Variants in CTNNA3 observed in about 807,000 individuals in gnomAD.
The protein encoded by CTNNA3 is catenin alpha-3.
CTNNA3 carries 76 observed loss-of-function variants against 95.7 expected under a neutral mutation model. That is an observed-to-expected ratio of 0.79 (90% CI 0.66 to 0.96). The LOEUF (loss-of-function observed/expected upper bound fraction) is 0.96. Ranked by LOEUF, CTNNA3 falls within the 40% of genes least tolerant of loss-of-function variation. CTNNA3 has a pLI of 0.00. For missense variants in CTNNA3, 1,191 were observed against 1,089.8 expected, an observed-to-expected ratio of 1.09 and a Z score of -1.31; for synonymous variants, 431 against 374.4, an observed-to-expected ratio of 1.15 and a Z score of -1.74.
At chr10:66,742,929 C>A (rs1005348815) in intron 9 of CTNNA3, among the ~76,000 whole-genome samples, 1 of 152,150 alleles carries the variant, frequency 6.6e-6, no homozygotes. Flanking sequence ...TATTTTACAT[C>A]ATTTCCTCTG....
chr10:66,487,698 T>G (rs1421592233), intron 11 of CTNNA3, among the ~76,000 whole-genome samples: 1 of 152,148 alleles, frequency 6.6e-6, no homozygotes. Flanking sequence ...ATTTGTCAAT[T>G]AAATATTTAA....
At chr10:66,417,408 A>G (rs1335935615) in intron 11 of CTNNA3, among the ~76,000 whole-genome samples, 3 of 152,086 alleles carry the variant, frequency 2.0e-5, no homozygotes, top group Non-Finnish European at 4.4e-5. Flanking sequence ...CTGAAAAGAA[A>G]GACTCCAATG....
At chr10:67,194,082 C>T (rs1378057022) in intron 6 of CTNNA3, among the ~76,000 whole-genome samples, 2 of 151,910 alleles carry the variant, frequency 1.3e-5, no homozygotes, top group Non-Finnish European at 2.9e-5. Flanking sequence ...TTTTTTAAAA[C>T]TATGTTTGTT....
At chr10:66,594,841 T>C (rs1416850988) in intron 10 of CTNNA3, among the ~76,000 whole-genome samples, 2 of 152,176 alleles carry the variant, frequency 1.3e-5, no homozygotes, top group African/African-American at 4.8e-5. Flanking sequence ...CAAGAATCTT[T>C]TGTACTTCAC....
intron 10 of CTNNA3, among the ~76,000 whole-genome samples, chr10:66,552,903 A>T (rs1019063378): frequency 5.3e-5 from 8 of 152,026 alleles, no homozygotes; most frequent in African/African-American, 1.7e-4. Flanking sequence ...TGTTAAAAAA[A>T]ATTCTGTTCA....
chr10:66,318,418 A>T (rs1341811888), intron 12 of CTNNA3, among the ~76,000 whole-genome samples: 3 of 151,910 alleles, frequency 2.0e-5, no homozygotes, highest in African/African-American at 7.2e-5. Flanking sequence ...TCTTTGAGAC[A>T]AGTGCACCTA....
intron 7 of CTNNA3, among the ~76,000 whole-genome samples, chr10:67,086,094 A>T (rs1857293241): frequency 6.6e-6 from 1 of 152,034 alleles, no homozygotes; most frequent in Non-Finnish European, 1.5e-5. Context: ...GATGGATATG[A>T]TATGGACAGA....
chr10:66,931,101 G>T (rs1847361315), intron 7 of CTNNA3, among the ~76,000 whole-genome samples: 1 of 148,224 alleles, frequency 6.7e-6, no homozygotes, highest in African/African-American at 2.5e-5. Context: ...AGTATTTCAA[G>T]TTCATGCAGA....
chr10:66,089,982 A>G (rs1474871414), intron 14 of CTNNA3, among the ~76,000 whole-genome samples: 3 of 152,026 alleles, frequency 2.0e-5, no homozygotes, highest in South Asian at 2.1e-4. Flanking sequence ...AATTTTAGTA[A>G]CAGTAGTTTC....
chr10:66,933,807 A>G (rs1371693880), intron 7 of CTNNA3, among the ~76,000 whole-genome samples: 5 of 152,324 alleles, frequency 3.3e-5, no homozygotes, highest in African/African-American at 9.6e-5. Context: ...GAATGACAAA[A>G]GGCTTCCTCC....
intron 12 of CTNNA3, among the ~76,000 whole-genome samples, chr10:66,367,316 C>T (rs1426218383): frequency 6.6e-6 from 1 of 151,892 alleles, no homozygotes; most frequent in African/African-American, 2.4e-5. Context: ...TTATTGTGGC[C>T]AAAAGTCAGT....
At chr10:66,116,411 C>G (rs2082342455) in intron 13 of CTNNA3, among the ~76,000 whole-genome samples, 1 of 152,068 alleles carries the variant, frequency 6.6e-6, no homozygotes, top group South Asian at 2.1e-4. Flanking sequence ...AACACATATT[C>G]ACACAGACTT....
At chr10:67,675,835 T>G (rs1174399458) in intron 1 of CTNNA3, among the ~76,000 whole-genome samples, 1 of 152,164 alleles carries the variant, frequency 6.6e-6, no homozygotes, top group Non-Finnish European at 1.5e-5. Flanking sequence ...CTTTTTATTG[T>G]TTTTTCAGTC....
At chr10:66,664,922 A>G (rs888781931) in intron 9 of CTNNA3, among the ~76,000 whole-genome samples, 2 of 149,570 alleles carry the variant, frequency 1.3e-5, no homozygotes, top group African/African-American at 4.9e-5. Flanking sequence ...AGAGATCCAG[A>G]CCTTCCTACA....
intron 7 of CTNNA3, among the ~76,000 whole-genome samples, chr10:67,157,338 T>C (rs1297116851): frequency 1.3e-5 from 2 of 152,094 alleles, no homozygotes; most frequent in East Asian, 3.9e-4. Context: ...TGTGCAAACA[T>C]GTGTAATTAC....
At chr10:67,726,613 T>TA (rs1365974742) in intron 1 of CTNNA3, among the ~76,000 whole-genome samples, 15 of 78,324 alleles carry the variant, frequency 1.9e-4, no homozygotes, top group African/African-American at 6.0e-4. Flanking sequence ...TATTATATAA[T>TA]ATATAATATA....
At chr10:67,019,317 C>T (rs1296679330) in intron 7 of CTNNA3, among the ~76,000 whole-genome samples, 1 of 152,162 alleles carries the variant, frequency 6.6e-6, no homozygotes, top group East Asian at 1.9e-4. Flanking sequence ...CTTCCGGGTC[C>T]AAGCGCTTCT....
At chr10:65,944,101 TA>T (rs1209201356) in intron 17 of CTNNA3, among the ~76,000 whole-genome samples, 1 of 152,228 alleles carries the variant, frequency 6.6e-6, no homozygotes, top group Non-Finnish European at 1.5e-5. Context: ...AGAAAGCCTT[TA>T]AAGTCTGAAA....
chr10:66,750,579 T>C (rs1839092351), intron 9 of CTNNA3, among the ~76,000 whole-genome samples: 2 of 152,234 alleles, frequency 1.3e-5, no homozygotes, highest in South Asian at 2.1e-4. Flanking sequence ...CTATTTACCT[T>C]TTTTGTTCAA....
Sources: allele counts gnomAD v4.1 joint callset (sites outside exome capture counted in the v4.1 genomes callset), GRCh38; gene constraint gnomAD v4.1.1; transcripts MANE v1.5; gene names NCBI Gene and HGNC (gene_info 2026-07-23, HGNC 2026-07-21).